AGBL1: variants seen among roughly 807,000 people sequenced by gnomAD.
AGBL1 encodes the protein cytosolic carboxypeptidase 4.
AGBL1 carries 130 observed loss-of-function variants against 118.9 expected under a neutral mutation model. The observed-to-expected ratio is 1.09, with a 90% CI of 0.95 to 1.26. The LOEUF is 1.26. AGBL1 is among the 50% of genes most tolerant of loss of function. The probability of loss-of-function intolerance (pLI) is 0.00; values close to 1 mark genes in which losing one functional copy is unlikely to be tolerated. For missense variants in AGBL1, 1,584 were observed against 1,298.1 expected (o/e 1.22, Z -3.38); for synonymous variants, 555 against 478.9 (o/e 1.16, Z -2.08).
intron 22 of AGBL1, among the ~76,000 whole-genome samples, chr15:86,755,603 C>G (rs144135018): frequency 1.4e-3 from 220 of 152,178 alleles, no homozygotes; most frequent in African/African-American, 5.2e-3. Flanking sequence ...ATTGACAACC[C>G]TCTGTATACT....
At chr15:86,689,898 C>T (rs1411740690) in intron 22 of AGBL1, among the ~76,000 whole-genome samples, 3 of 152,110 alleles carry the variant, frequency 2.0e-5, no homozygotes, top group South Asian at 2.1e-4. Flanking sequence ...GAAGAGTACA[C>T]GGTTCTCTAT....
chr15:86,787,950 T>C (rs1267445783), intron 22 of AGBL1, among the ~76,000 whole-genome samples: 6 of 152,208 alleles, frequency 3.9e-5, no homozygotes, highest in African/African-American at 1.2e-4. Context: ...TTTAATTGCA[T>C]TGAAAATAAG....
chr15:86,446,551 T>C (rs1158853496), intron 18 of AGBL1, among the ~76,000 whole-genome samples: 1 of 152,216 alleles, frequency 6.6e-6, no homozygotes, highest in African/African-American at 2.4e-5. Flanking sequence ...GCCTGCAAAG[T>C]TTCTGATTAT....
chr15:86,800,334 G>A (rs994594820), intron 22 of AGBL1, among the ~76,000 whole-genome samples: 1 of 152,068 alleles, frequency 6.6e-6, no homozygotes, highest in East Asian at 1.9e-4. Flanking sequence ...ATTTATATTA[G>A]GATAGTTTTG....
intron 17 of AGBL1, among the ~76,000 whole-genome samples, chr15:86,365,032 CACAT>C (rs1431472404): frequency 1.0e-5 from 1 of 98,184 alleles, no homozygotes; most frequent in East Asian, 2.1e-4. Flanking sequence ...TATATACACA[CACAT>C]ATATATACAC....
chr15:86,285,543 G>A (rs983658032), intron 16 of AGBL1, among the ~76,000 whole-genome samples: 7 of 152,168 alleles, frequency 4.6e-5, no homozygotes, highest in South Asian at 4.2e-4. Context: ...CATGTAAGAC[G>A]TGCCTTTGCT....
chr15:86,505,683 C>T (rs2082968123), intron 18 of AGBL1, among the ~76,000 whole-genome samples: 1 of 151,716 alleles, frequency 6.6e-6, no homozygotes, highest in Non-Finnish European at 1.5e-5. Context: ...TCTTTTAGTT[C>T]TTCAGACCTG....
intron 5 of AGBL1, among the ~76,000 whole-genome samples, chr15:86,221,490 T>C (rs2078279762): frequency 6.6e-6 from 1 of 152,240 alleles, no homozygotes; most frequent in South Asian, 2.1e-4. Context: ...GTTTTACTTC[T>C]TTCTTCATGC....
At chr15:86,659,041 C>T (rs2085501585) in intron 21 of AGBL1, among the ~76,000 whole-genome samples, 1 of 152,112 alleles carries the variant, frequency 6.6e-6, no homozygotes, top group African/African-American at 2.4e-5. Flanking sequence ...CAGAAGTAAG[C>T]CATGATCTTT....
In AGBL1 at chr15:86,177,216, G is replaced by A. The variant is rs61018880; in HGVS notation, c.488+18190G>A. Reference sequence around the variant, plus strand: ...TTGCCAGGTATAAAAAGGTAATTCCGTAATAGTAAAGGGTCAGTTTATTAG... The same window carrying A: ...TTGCCAGGTATAAAAAGGTAATTCCATAATAGTAAAGGGTCAGTTTATTAG... On this transcript the variant is annotated intron_variant, in intron 5 of 22. Coordinates refer to ENST00000614907, the MANE Select transcript of AGBL1 (RefSeq NM_001386094.1). Among the ~76,000 whole-genome samples the A allele has an allele frequency of 1.7e-3, 266 of 152,158 alleles. 4 individuals are homozygous for A. The South Asian group carries it at 0.05, about 29-fold the overall frequency.
intron 22 of AGBL1, among the ~76,000 whole-genome samples, chr15:86,799,247 A>G (rs2078617242): frequency 6.6e-6 from 1 of 152,150 alleles, no homozygotes; most frequent in South Asian, 2.1e-4. Flanking sequence ...TTACATATGT[A>G]TACATGTGCC....
chr15:86,092,611 G>A (rs1159591362), intron 1 of AGBL1, among the ~76,000 whole-genome samples: 2 of 152,132 alleles, frequency 1.3e-5, no homozygotes, highest in African/African-American at 4.8e-5. Flanking sequence ...AGTCCATTTT[G>A]TGCTGCAGTA....
chr15:86,171,661 T>C (rs553318558), intron 5 of AGBL1, among the ~76,000 whole-genome samples: 22 of 152,234 alleles, frequency 1.4e-4, no homozygotes, highest in African/African-American at 5.3e-4. Context: ...GTGGAGTTCC[T>C]CTCCACTCAG....
At chr15:86,554,981 A>G (rs929835469) in intron 21 of AGBL1, among the ~76,000 whole-genome samples, 2 of 152,084 alleles carry the variant, frequency 1.3e-5, no homozygotes, top group African/African-American at 2.4e-5. Context: ...GTCAATCTAA[A>G]TCTGTAGTTC....
intron 18 of AGBL1, among the ~76,000 whole-genome samples, chr15:86,428,982 G>A (rs1479207763): frequency 6.6e-6 from 1 of 152,246 alleles, no homozygotes; most frequent in African/African-American, 2.4e-5. Flanking sequence ...CTACTAACAA[G>A]TGAATATTGA....
chr15:86,236,968 T>G, intron 6 of AGBL1, among the ~76,000 whole-genome samples: 1 of 115,004 alleles, frequency 8.7e-6, no homozygotes, highest in Non-Finnish European at 1.7e-5. Context: ...GGCGCCAAGT[T>G]GCCAGGCACA....
chr15:86,136,442 G>A (rs1173065290), intron 1 of AGBL1, among the ~76,000 whole-genome samples: 1 of 152,204 alleles, frequency 6.6e-6, no homozygotes, highest in African/African-American at 2.4e-5. Context: ...TTTGTGAACA[G>A]CAGCCCTGGA....
At chr15:86,444,587 C>G (rs1032133993) in intron 18 of AGBL1, among the ~76,000 whole-genome samples, 30 of 152,244 alleles carry the variant, frequency 2.0e-4, no homozygotes, top group African/African-American at 6.7e-4. Flanking sequence ...TACTAAGAAC[C>G]AAGGTGGTTC....
intron 19 of AGBL1, among the ~76,000 whole-genome samples, chr15:86,536,446 G>A (rs1023684544): frequency 1.3e-5 from 2 of 152,138 alleles, no homozygotes; most frequent in Admixed American, 6.5e-5. Flanking sequence ...GAGTAGCTGG[G>A]ACTGCAGGCA....
Sources: gnomAD v4.1 joint callset for allele counts (sites outside exome capture counted in the v4.1 genomes callset) on GRCh38, gnomAD v4.1.1 for gene constraint, MANE v1.5 for transcripts, NCBI Gene and HGNC (gene_info 2026-07-23, HGNC 2026-07-21) for gene names.